HACE1: variants seen among roughly 807,000 people sequenced by gnomAD.
HACE1 encodes the protein HECT domain and ankyrin repeat containing E3 ubiquitin protein ligase 1.
Under a neutral mutation model 118.4 loss-of-function variants are expected in HACE1, and 73 were observed. That is an observed-to-expected ratio of 0.62 (90% confidence interval 0.51 to 0.75). The LOEUF is 0.75. Ranked by LOEUF, HACE1 falls within the 30% of genes least tolerant of loss-of-function variation. The probability of loss-of-function intolerance (pLI) is 0.00; values close to 1 mark genes in which losing one functional copy is unlikely to be tolerated. For synonymous variants in HACE1, 368 were observed against 374.8 expected, an observed-to-expected ratio of 0.98 and a Z score of 0.21; for missense variants, 749 against 1,102.2, an observed-to-expected ratio of 0.68 and a Z score of 4.54.
intron 5 of HACE1, among the ~76,000 whole-genome samples, chr6:104,835,089 T>C (rs966423440): frequency 6.6e-6 from 1 of 152,228 alleles, no homozygotes; most frequent in African/African-American, 2.4e-5. Flanking sequence ...TTCCGGGCAG[T>C]TGGAAGAGTC....
In HACE1 at chr6:104,852,235, G is replaced by GCA. The variant is rs1562514978; in HGVS notation, c.131+81_131+82insTG. ...TGTGTGTGTGTGTGTGTGTGCGCGC[G>GCA]TGCGCGTGCACGGGCATGCAGTACA... On this transcript the variant is annotated intron_variant, in intron 2 of 23. Coordinates refer to ENST00000262903, the MANE Select transcript of HACE1 (RefSeq NM_020771.4). The GCA allele has an allele frequency of 1.1e-4, 89 of 795,174 alleles. 2 individuals are homozygous for GCA. The highest frequency in any genetic ancestry group is 4.1e-5 in the South Asian group (3 of 73,022). The allele number at this position is 795,174 out of a possible 1,614,324, so 49.3% of individuals were successfully genotyped here. A position where few individuals can be genotyped will look rare whatever the true frequency, so the allele number is the denominator to read the frequency against.
chr6:104,854,819 A>G (rs948350859), intron 1 of HACE1, among the ~76,000 whole-genome samples: 3 of 152,194 alleles, frequency 2.0e-5, no homozygotes, highest in African/African-American at 7.2e-5. Context: ...AGTTATCAAT[A>G]TTCCTTCACA....
At chr6:104,809,112 T>C (rs760350466) in intron 7 of HACE1, among the ~76,000 whole-genome samples, 1 of 152,232 alleles carries the variant, frequency 6.6e-6, no homozygotes, top group Admixed American at 6.5e-5. Context: ...ATATTTTTCA[T>C]AGTGATGCAT....
At chr6:104,810,520 T>C (rs1033172710) in intron 7 of HACE1, among the ~76,000 whole-genome samples, 3 of 152,074 alleles carry the variant, frequency 2.0e-5, no homozygotes, top group African/African-American at 7.2e-5. Context: ...AAAAGAAGAA[T>C]TACTATAGTA....
intron 20 of HACE1, among the ~76,000 whole-genome samples, chr6:104,749,473 A>G (rs1205649925): frequency 6.6e-6 from 1 of 152,144 alleles, no homozygotes; most frequent in African/African-American, 2.4e-5. Flanking sequence ...ATACTGATAC[A>G]TATGTAAAAT....
intron 6 of HACE1, among the ~76,000 whole-genome samples, chr6:104,822,819 T>C (rs1457420001): frequency 1.3e-5 from 2 of 152,100 alleles, no homozygotes; most frequent in Admixed American, 1.3e-4. Flanking sequence ...ATCGCGCCAC[T>C]GCACTCCAGC....
intron 4 of HACE1, among the ~76,000 whole-genome samples, chr6:104,844,866 G>A (rs1256628023): frequency 6.6e-6 from 1 of 150,532 alleles, no homozygotes; most frequent in African/African-American, 2.5e-5. Context: ...GTTTCACCAC[G>A]TTGGCCAGGC....
chr6:104,826,656 G>C (rs1193406892), intron 6 of HACE1, among the ~76,000 whole-genome samples: 1 of 152,134 alleles, frequency 6.6e-6, no homozygotes, highest in African/African-American at 2.4e-5. Context: ...ACACGTAAAA[G>C]CATGCCAACA....
intron 7 of HACE1, among the ~76,000 whole-genome samples, chr6:104,801,934 C>T (rs183481893): frequency 2.6e-5 from 4 of 151,374 alleles, no homozygotes; most frequent in African/African-American, 9.7e-5. Flanking sequence ...AGTCAAGACC[C>T]ATCAGTGTGC....
chr6:104,759,557 G>A (rs1779098695), intron 19 of HACE1, among the ~76,000 whole-genome samples: 1 of 152,164 alleles, frequency 6.6e-6, no homozygotes, highest in Non-Finnish European at 1.5e-5. Flanking sequence ...GCAATGTGTA[G>A]AAGGAAATTT....
chr6:104,759,462 C>T (rs879506527), intron 19 of HACE1, among the ~76,000 whole-genome samples: 22 of 152,026 alleles, frequency 1.4e-4, no homozygotes, highest in Admixed American at 2.6e-4. Flanking sequence ...GGGTAAATAA[C>T]GAAAGTAAGT....
chr6:104,757,794 C>T (rs1778888757), intron 19 of HACE1, among the ~76,000 whole-genome samples: 1 of 152,028 alleles, frequency 6.6e-6, no homozygotes. Flanking sequence ...AGCTAAAAAC[C>T]TTGAAAAAAG....
At chr6:104,741,989 C>A (rs1338130855) in intron 22 of HACE1, among the ~76,000 whole-genome samples, 1 of 151,016 alleles carries the variant, frequency 6.6e-6, no homozygotes, top group Non-Finnish European at 1.5e-5. Context: ...CAGAACAGAG[C>A]CCTCAGAAAT....
intron 6 of HACE1, among the ~76,000 whole-genome samples, chr6:104,819,102 C>A (rs1223727821): frequency 6.6e-6 from 1 of 152,200 alleles, no homozygotes; most frequent in Non-Finnish European, 1.5e-5. Context: ...GTCAAACTAT[C>A]CCTGTTTGCA....
chr6:104,852,230 C>CGTGCGT lies in HACE1; in HGVS notation c.131+86_131+87insACGCAC, dbSNP rs755492842. ...GTGTGTGTGTGTGTGTGTGTGTGTG[C>CGTGCGT]GCGCGTGCGCGTGCACGGGCATGCA... On this transcript the variant is annotated intron_variant, in intron 2 of 23. Transcript: ENST00000262903. 396 of 697,616 alleles carry CGTGCGT rather than the reference C, an allele frequency of 5.7e-4. 1 individual carries two copies. The highest frequency in any genetic ancestry group is 3.8e-3 in the Middle Eastern group (15 of 3,910). 43.2% of individuals were successfully genotyped at this position (697,616 alleles called of 1,614,324 possible).
chr6:104,824,951 C>A (rs1466185472), intron 6 of HACE1: 1 of 149,888 alleles, frequency 6.7e-6, no homozygotes, highest in East Asian at 2.0e-4. Flanking sequence ...GGCGTGGTGG[C>A]GGGCGCCTGT....
intron 5 of HACE1, chr6:104,842,206 G>A (rs943761623): frequency 6.6e-6 from 1 of 152,280 alleles, no homozygotes; most frequent in South Asian, 2.1e-4. Flanking sequence ...CTACTTGGAA[G>A]GATGATGCTG....
At chr6:104,764,862 G>C (rs780777458) in intron 19 of HACE1, among the ~76,000 whole-genome samples, 25 of 152,182 alleles carry the variant, frequency 1.6e-4, no homozygotes, top group Admixed American at 1.5e-3. Context: ...ACATTTGCTC[G>C]TCACCATCAC....
intron 6 of HACE1, among the ~76,000 whole-genome samples, chr6:104,828,163 G>A (rs1362325481): frequency 6.6e-6 from 1 of 151,910 alleles, no homozygotes; most frequent in African/African-American, 2.4e-5. Flanking sequence ...GGTCCAAAAA[G>A]CGTTAATAAA....
Sources: gnomAD v4.1 joint callset for allele counts (sites outside exome capture counted in the v4.1 genomes callset) on GRCh38, gnomAD v4.1.1 for gene constraint, MANE v1.5 for transcripts, NCBI Gene and HGNC (gene_info 2026-07-23, HGNC 2026-07-21) for gene names.